The following ACACA variants were observed in gnomAD, a reference collection of about 807,000 sequenced individuals.
The protein encoded by ACACA is acetyl-CoA carboxylase 1.
A neutral mutation model predicts 296.1 loss-of-function variants in ACACA; 103 were observed. That is an observed-to-expected ratio of 0.35 (90% CI 0.30 to 0.41). ACACA has a LOEUF of 0.41. Among genes scored for constraint, ACACA ranks in the 10% least tolerant of loss-of-function variants. ACACA has a pLI of 1.00. For missense variants in ACACA, 1,554 were observed against 2,989.7 expected, an observed-to-expected ratio of 0.52 and a Z score of 11.20; for synonymous variants, 953 against 1,038.6, an observed-to-expected ratio of 0.92 and a Z score of 1.58.
chr17:37,112,375 T>C (rs1327585625), intron 51 of ACACA, among the ~76,000 whole-genome samples: 1 of 152,200 alleles, frequency 6.6e-6, no homozygotes, highest in Admixed American at 6.5e-5. Flanking sequence ...AACAATCCTA[T>C]GCCCAGTCTC....
chr17:37,358,344 C>G (rs1449628596), intron 1 of ACACA, among the ~76,000 whole-genome samples: 2 of 152,190 alleles, frequency 1.3e-5, no homozygotes, highest in Non-Finnish European at 2.9e-5. Flanking sequence ...CGTCCTATTT[C>G]CAGTAACTTC....
rs777937844 is a variant in ACACA at position 37,181,297 on chromosome 17, A to G, written c.4836T>C (p.Thr1612=). 5 of 1,613,852 alleles carry G rather than the reference A, an allele frequency of 3.1e-6. No individual in the cohort carries two copies. Among genetic ancestry groups the G allele is most frequent in the South Asian group, 1.1e-5 (1 of 91,078 alleles). The change falls in exon 40 of 56, where the codon ACT becomes ACC. Residue 1612 remains threonine (T), a synonymous_variant. Coordinates refer to ENST00000616317, the MANE Select transcript of ACACA (RefSeq NM_198834.3). ...QGPLHGMLIN[T]PYVTKDLLQS... ...GCAGCAGGTCTTTGGTCACATATGG[A>G]GTATTGATTAACATTCCATGCAGTG...
chr17:37,132,357 T>C (rs2075139015), intron 45 of ACACA, among the ~76,000 whole-genome samples: 1 of 152,148 alleles, frequency 6.6e-6, no homozygotes, highest in African/African-American at 2.4e-5. Context: ...CAAAGCAGTC[T>C]GTTGATGCGG....
intron 50 of ACACA, 89 bp downstream of exon 50, chr17:37,121,266 C>T (rs2074514711): frequency 6.4e-7 from 1 of 1,571,138 alleles, no homozygotes; most frequent in Non-Finnish European, 8.7e-7. Context: ...TTAGGACACC[C>T]ACAGATTCTG....
intron 49 of ACACA, among the ~76,000 whole-genome samples, chr17:37,121,704 TATA>T (rs1231515692): frequency 1.3e-5 from 2 of 152,178 alleles, no homozygotes; most frequent in African/African-American, 4.8e-5. Flanking sequence ...AAGTCCTGAT[TATA>T]ATAACTCTGT....
chr17:37,171,275 ATG>A (rs2076873540), intron 41 of ACACA, among the ~76,000 whole-genome samples: 1 of 152,200 alleles, frequency 6.6e-6, no homozygotes, highest in Non-Finnish European at 1.5e-5. Context: ...GAATCCAAGC[ATG>A]TTAGCGCTAA....
intron 2 of ACACA, among the ~76,000 whole-genome samples, chr17:37,335,962 C>G (rs1433431031): frequency 6.6e-6 from 1 of 152,086 alleles, no homozygotes; most frequent in East Asian, 1.9e-4. Flanking sequence ...AGCAAAGGAG[C>G]TGCAAAACAC....
rs184995115 is a variant in ACACA at position 37,270,864 on chromosome 17, T to G, written c.1009-3A>C. On this transcript the variant is annotated splice_polypyrimidine_tract_variant and splice_region_variant and intron_variant, in intron 9 of 55. Coordinates refer to ENST00000616317, the MANE Select transcript of ACACA (RefSeq NM_198834.3). ...GGATATCCAACTTCCTCAGCTGCCTTCAAAAAGAAAGAAAAAAAAAATAGA... is the reference window on the plus strand; with the variant it reads ...GGATATCCAACTTCCTCAGCTGCCTGCAAAAAGAAAGAAAAAAAAAATAGA... 5,498 of 1,609,394 alleles carry G rather than the reference T, an allele frequency of 3.4e-3. 16 individuals are homozygous for G. The highest frequency in any genetic ancestry group is 4.0e-3 in the Non-Finnish European group (4,660 of 1,176,944).
At chr17:37,146,725 G>T (rs551566254) in intron 45 of ACACA, among the ~76,000 whole-genome samples, 1 of 149,960 alleles carries the variant, frequency 6.7e-6, no homozygotes, top group Non-Finnish European at 1.5e-5. Flanking sequence ...GAAGAAGGAG[G>T]GGGGAGAGAG....
chr17:37,134,621 C>T (rs1284333029), intron 45 of ACACA, among the ~76,000 whole-genome samples: 3 of 152,124 alleles, frequency 2.0e-5, no homozygotes, highest in African/African-American at 7.2e-5. Context: ...GAAATCTATT[C>T]CTTCTCTTCC....
intron 2 of ACACA, among the ~76,000 whole-genome samples, chr17:37,333,768 C>T (rs1180999471): frequency 6.7e-6 from 1 of 149,510 alleles, no homozygotes; most frequent in Non-Finnish European, 1.5e-5. Context: ...CGCCAAGCTC[C>T]TTCAGGAGAA....
chr17:37,296,134 A>G (rs1338558386), intron 3 of ACACA, among the ~76,000 whole-genome samples: 1 of 151,996 alleles, frequency 6.6e-6, no homozygotes, highest in African/African-American at 2.4e-5. Context: ...TATTCAGTGT[A>G]TATCCTATGT....
At chr17:37,384,084 T>C (rs1178687000) in intron 1 of ACACA, among the ~76,000 whole-genome samples, 1 of 152,072 alleles carries the variant, frequency 6.6e-6, no homozygotes, top group Non-Finnish European at 1.5e-5. Context: ...GCCAACATAG[T>C]GAAACCCCGT....
Position 37,217,176 on chromosome 17 carries a change from G to T in ACACA, c.3683+4548C>A, listed in dbSNP as rs151329257. ...ATCGGGAGGCTGAGGCAGGAGAATC[G>T]CTTGAACCTGGAAGGCAGAGGTTGT... On this transcript the variant is annotated intron_variant, in intron 29 of 55. Transcript: ENST00000616317. 4.4e-4 allele frequency among the ~76,000 whole-genome samples: 64 copies of T among 146,952 alleles called. No individual in the cohort carries two copies. In the East Asian group the frequency reaches 0.013, roughly 30 times the overall value.
At chr17:37,177,545 G>A (rs1340530558) in intron 41 of ACACA, among the ~76,000 whole-genome samples, 7 of 152,128 alleles carry the variant, frequency 4.6e-5, no homozygotes, top group Non-Finnish European at 7.4e-5. Flanking sequence ...TAGCTTTCAC[G>A]TGGCCAAAAA....
intron 44 of ACACA, 88 bp downstream of exon 44, chr17:37,151,213 T>A: frequency 6.9e-7 from 1 of 1,455,020 alleles, no homozygotes; most frequent in East Asian, 2.3e-5. Flanking sequence ...ATGCTCTCAT[T>A]TGGGACTGAA....
intron 33 of ACACA, among the ~76,000 whole-genome samples, chr17:37,205,528 T>C (rs1199021257): frequency 7.2e-5 from 11 of 152,164 alleles, no homozygotes. Context: ...TTTAGGAAGA[T>C]AACTTCCCTT....
chr17:37,333,312 G>A (rs529257963), intron 2 of ACACA, among the ~76,000 whole-genome samples: 1 of 152,050 alleles, frequency 6.6e-6, no homozygotes, highest in Non-Finnish European at 1.5e-5. Flanking sequence ...GAAACCTAAA[G>A]AGGTGGCAGT....
At chr17:37,283,977 C>T (rs1205843756) in intron 4 of ACACA, among the ~76,000 whole-genome samples, 1 of 152,206 alleles carries the variant, frequency 6.6e-6, no homozygotes, top group African/African-American at 2.4e-5. Context: ...CGTCTCCTTA[C>T]CTATCTTGCA....
Sources: allele counts gnomAD v4.1 joint callset (sites outside exome capture counted in the v4.1 genomes callset), GRCh38; gene constraint gnomAD v4.1.1; transcripts MANE v1.5; gene names NCBI Gene and HGNC (gene_info 2026-07-23, HGNC 2026-07-21).